The following ARHGAP29 variants were observed in gnomAD, a reference collection of about 807,000 sequenced individuals.
ARHGAP29 encodes Rho GTPase activating protein 29.
Under a neutral mutation model 122.6 loss-of-function variants are expected in ARHGAP29, and 43 were observed. The ratio of observed to expected loss-of-function variants is 0.35; its 90% CI spans 0.27 to 0.45. The LOEUF (loss-of-function observed/expected upper bound fraction) is 0.45, where lower values mean the gene tolerates loss of function less well. ARHGAP29 is among the 20% of genes least tolerant of loss of function. ARHGAP29 has a pLI of 1.00. For missense variants in ARHGAP29, 1,303 were observed against 1,477.2 expected, an observed-to-expected ratio of 0.88 and a Z score of 1.93; for synonymous variants, 506 against 497.1, an observed-to-expected ratio of 1.02 and a Z score of -0.24.
chr1:94,225,294 T>C (rs980202778), intron 2 of ARHGAP29, among the ~76,000 whole-genome samples: 1 of 152,080 alleles, frequency 6.6e-6, no homozygotes, highest in African/African-American at 2.4e-5. Context: ...TGAACACACA[T>C]ACAAAACTCT....
chr1:94,251,641 C>T (rs948940416), intron 1 of ARHGAP29, among the ~76,000 whole-genome samples: 14 of 152,160 alleles, frequency 9.2e-5, no homozygotes, highest in Non-Finnish European at 1.8e-4. Flanking sequence ...CCCAAAGTCC[C>T]TTTTGCCTCA....
At chr1:94,202,852 A>AGT in intron 10 of ARHGAP29, 66 bp downstream of exon 10, 1 of 1,534,520 alleles carries the variant, frequency 6.5e-7, no homozygotes, top group East Asian at 2.2e-5. Context: ...AAGGAAGGTC[A>AGT]GTATATACTG....
the ARHGAP29 span, among the ~76,000 whole-genome samples, chr1:94,290,050 A>C: frequency 6.6e-6 from 1 of 152,194 alleles, no homozygotes; most frequent in African/African-American, 2.4e-5. Flanking sequence ...TGATTGGAAT[A>C]GTTTCAGAAG....
chr1:94,262,046 A>C (rs779315868), intron 1 of ARHGAP29, among the ~76,000 whole-genome samples: 1 of 152,220 alleles, frequency 6.6e-6, no homozygotes. Flanking sequence ...GAACTGTTAC[A>C]AAAACAGACA....
At position 94,177,645 on chromosome 1, in the gene ARHGAP29, T is replaced by G. The variant is rs773207285; in HGVS notation, c.2872A>C (p.Asn958His). The G allele has an allele frequency of 1.2e-6, 2 of 1,613,288 alleles. No homozygotes were observed. Among genetic ancestry groups the G allele is most frequent in the Non-Finnish European group, 1.7e-6 (2 of 1,179,734 alleles). ...TSFEESERKQ[N>H]ALGKCDACLS... Reference sequence around the variant, plus strand: ...CATGCATCACATTTTCCTAACGCATTTTGCTTGCGTTCTGATTCCTCAAAT... The same window carrying G: ...CATGCATCACATTTTCCTAACGCATGTTGCTTGCGTTCTGATTCCTCAAAT... Residue 958 changes from asparagine (N) to histidine (H), a missense_variant, in exon 22 of 23, where the codon AAT becomes CAT. By Grantham distance (68) the Asn-to-His change is moderately conservative. Transcript: ENST00000260526.
intron 3 of ARHGAP29, among the ~76,000 whole-genome samples, chr1:94,213,810 T>G (rs1234880605): frequency 6.6e-6 from 1 of 152,332 alleles, no homozygotes; most frequent in Admixed American, 6.5e-5. Flanking sequence ...GTTGTGAAGA[T>G]TAAATGAACT....
intron 2 of ARHGAP29, among the ~76,000 whole-genome samples, chr1:94,227,437 C>A (rs1652673835): frequency 6.6e-6 from 1 of 151,492 alleles, no homozygotes; most frequent in Non-Finnish European, 1.5e-5. Flanking sequence ...AAATAAGGCA[C>A]CATAGTCACA....
rs1482535865 is a variant in ARHGAP29, at chr1:94,230,174, ATTG to A, written c.205+1230_205+1232del. 2.6e-5 allele frequency among the ~76,000 whole-genome samples: 4 copies of A among 151,818 alleles called. No homozygotes were observed. In the East Asian group the frequency reaches 7.7e-4, roughly 29 times the overall value. ...AAAAAATTAACCTAGTTAAGAACAA[ATTG>A]TTATTACAAAGCTATGTTTCTTTAA... On this transcript the variant is annotated intron_variant, in intron 2 of 22. Transcript: ENST00000260526.
intron 20 of ARHGAP29, among the ~76,000 whole-genome samples, chr1:94,178,773 T>C (rs1649269151): frequency 6.6e-6 from 1 of 152,232 alleles, no homozygotes. Context: ...GGTCAGCGCA[T>C]GCAAGACTGC....
At chr1:94,225,159 G>A (rs983200564) in intron 2 of ARHGAP29, among the ~76,000 whole-genome samples, 1 of 152,074 alleles carries the variant, frequency 6.6e-6, no homozygotes, top group Non-Finnish European at 1.5e-5. Flanking sequence ...ATCATAAATG[G>A]TTTAAAGAAA....
At chr1:94,275,496 T>C (rs900399909), upstream of ARHGAP29, among the ~76,000 whole-genome samples, 4 of 152,286 alleles carry the variant, frequency 2.6e-5, no homozygotes, top group African/African-American at 9.6e-5. Context: ...GAATCTTGGA[T>C]GGATGATGCC....
At chr1:94,313,976 G>T in the ARHGAP29 span, among the ~76,000 whole-genome samples, 5 of 152,158 alleles carry the variant, frequency 3.3e-5, no homozygotes, top group South Asian at 4.1e-4. Flanking sequence ...GGCCTGTCGG[G>T]GGGTGGGGAG....
At chr1:94,220,504 G>C in intron 2 of ARHGAP29, 112 bp from the exon 3 acceptor site, 1 of 945,580 alleles carries the variant, frequency 1.1e-6, no homozygotes, top group Non-Finnish European at 1.5e-6. Flanking sequence ...CACAATTTTT[G>C]CCTACTATAC....
At chr1:94,276,601 C>A (rs1655199143), upstream of ARHGAP29, among the ~76,000 whole-genome samples, 1 of 151,152 alleles carries the variant, frequency 6.6e-6, no homozygotes, top group Non-Finnish European at 1.5e-5. Flanking sequence ...GGCAACATGG[C>A]AAAATCCCAT....
intron 3 of ARHGAP29, among the ~76,000 whole-genome samples, chr1:94,209,665 C>G (rs1377929847): frequency 6.6e-6 from 1 of 152,098 alleles, no homozygotes; most frequent in Non-Finnish European, 1.5e-5. Flanking sequence ...TTACACCACA[C>G]CTCTCAATTA....
chr1:94,209,449 G>T, intron 3 of ARHGAP29, 99 bp from the exon 4 acceptor site: 1 of 638,662 alleles, frequency 1.6e-6, no homozygotes, highest in Non-Finnish European at 2.5e-6. Context: ...AGTTCAAGAA[G>T]CATTAGAAGA....
At chr1:94,215,330 A>G (rs565617072) in intron 3 of ARHGAP29, among the ~76,000 whole-genome samples, 2 of 151,962 alleles carry the variant, frequency 1.3e-5, no homozygotes, top group Admixed American at 6.5e-5. Context: ...AAAACAAAAA[A>G]AAAACCAGTA....
At chr1:94,214,878 C>A (rs2101563825) in intron 3 of ARHGAP29, among the ~76,000 whole-genome samples, 1 of 152,278 alleles carries the variant, frequency 6.6e-6, no homozygotes, top group East Asian at 1.9e-4. Flanking sequence ...CATATTGCAT[C>A]ATGACTGAGT....
At chr1:94,281,487 G>A in the ARHGAP29 span, among the ~76,000 whole-genome samples, 1 of 152,302 alleles carries the variant, frequency 6.6e-6, no homozygotes, top group Non-Finnish European at 1.5e-5. Context: ...TCAGTGAGAT[G>A]AGTTACAGGA....
Sources: allele counts gnomAD v4.1 joint callset (sites outside exome capture counted in the v4.1 genomes callset), GRCh38; gene constraint gnomAD v4.1.1; transcripts MANE v1.5; gene names NCBI Gene and HGNC (gene_info 2026-07-23, HGNC 2026-07-21).